Variants in MACROD2 observed in about 807,000 individuals in gnomAD.
The protein encoded by MACROD2 is ADP-ribose glycohydrolase MACROD2.
In MACROD2, 36 loss-of-function variants were observed where a neutral mutation model predicts 70.4. That is an observed-to-expected ratio of 0.51 (90% CI 0.39 to 0.68). The LOEUF (loss-of-function observed/expected upper bound fraction) is 0.68. MACROD2 is among the 30% of genes least tolerant of loss of function. The probability of loss-of-function intolerance (pLI) is 0.00; values close to 1 mark genes in which losing one functional copy is unlikely to be tolerated. For missense variants in MACROD2, 496 were observed against 538.4 expected (o/e 0.92, Z 0.78); for synonymous variants, 172 against 178.8 (o/e 0.96, Z 0.30).
chr20:15,527,918 C>G (rs888306401), intron 8 of MACROD2, among the ~76,000 whole-genome samples: 2 of 152,160 alleles, frequency 1.3e-5, no homozygotes. Context: ...ATCCTTTGTT[C>G]ATTTAGCTTG....
At chr20:14,994,532 T>A (rs2074933389) in intron 5 of MACROD2, among the ~76,000 whole-genome samples, 1 of 151,952 alleles carries the variant, frequency 6.6e-6, no homozygotes. Flanking sequence ...ACTGGAGAGG[T>A]TCACTTGAAG....
chr20:15,177,543 T>G (rs920258206), intron 5 of MACROD2, among the ~76,000 whole-genome samples: 1 of 152,224 alleles, frequency 6.6e-6, no homozygotes, highest in Non-Finnish European at 1.5e-5. Flanking sequence ...AATCTGAATT[T>G]ATTTTCAGTG....
intron 4 of MACROD2, among the ~76,000 whole-genome samples, chr20:14,644,311 G>A (rs1985256464): frequency 6.6e-6 from 1 of 152,168 alleles, no homozygotes; most frequent in South Asian, 2.1e-4. Context: ...TTAGAAAGCT[G>A]TGATCAAAAA....
At chr20:14,446,669 G>C (rs762137527) in intron 3 of MACROD2, among the ~76,000 whole-genome samples, 1 of 152,042 alleles carries the variant, frequency 6.6e-6, no homozygotes, top group Non-Finnish European at 1.5e-5. Context: ...GAGGCTAAAG[G>C]GTGAAGGAAT....
intron 6 of MACROD2, among the ~76,000 whole-genome samples, chr20:15,407,669 G>T (rs1356242871): frequency 6.6e-6 from 1 of 152,110 alleles, no homozygotes; most frequent in African/African-American, 2.4e-5. Context: ...CTGTGCCTCA[G>T]TTTCCTCATC....
intron 5 of MACROD2, among the ~76,000 whole-genome samples, chr20:14,962,868 T>C (rs899107502): frequency 4.0e-5 from 6 of 151,772 alleles, no homozygotes; most frequent in African/African-American, 1.5e-4. Flanking sequence ...AAATTGCTGT[T>C]GTTTGGGGAA....
rs1463540262 is a variant in MACROD2, at chr20:14,603,573, A to G, written c.302-81270A>G. Among the ~76,000 whole-genome samples the G allele has an allele frequency of 2.0e-5, 3 of 152,160 alleles. No individual in the cohort carries two copies. The East Asian group carries it at 5.8e-4, about 29-fold the overall frequency. ...TTGTTCAAATTCTTAATTATAAAGG[A>G]AGGATGGTTGGTAAGAAAAATGGGT... On this transcript the variant is annotated intron_variant, in intron 4 of 17. Transcript: ENST00000684519.
intron 5 of MACROD2, among the ~76,000 whole-genome samples, chr20:14,685,933 A>T (rs956763311): frequency 1.3e-5 from 2 of 152,178 alleles, no homozygotes; most frequent in African/African-American, 2.4e-5. Flanking sequence ...TTTCTTGTGG[A>T]TGTGTGTGAA....
intron 3 of MACROD2, among the ~76,000 whole-genome samples, chr20:14,306,146 A>T (rs1601456527): frequency 6.6e-6 from 1 of 152,058 alleles, no homozygotes; most frequent in East Asian, 1.9e-4. Context: ...TTCCAAATCC[A>T]GTGGGCACTG....
chr20:14,649,866 G>T (rs929972589), intron 4 of MACROD2, among the ~76,000 whole-genome samples: 2 of 152,102 alleles, frequency 1.3e-5, no homozygotes, highest in Admixed American at 6.6e-5. Context: ...TGAGTCACAG[G>T]CTGGGTGGGG....
chr20:14,769,947 C>A (rs2072142909), intron 5 of MACROD2, among the ~76,000 whole-genome samples: 3 of 151,802 alleles, frequency 2.0e-5, no homozygotes, highest in Admixed American at 2.0e-4. Context: ...TGAAAAAATT[C>A]ATAAGAACTA....
intron 5 of MACROD2, among the ~76,000 whole-genome samples, chr20:15,003,361 T>G (rs1288414302): frequency 2.0e-5 from 3 of 152,208 alleles, no homozygotes; most frequent in Non-Finnish European, 4.4e-5. Flanking sequence ...CTAGCTTCCT[T>G]GCCCTGTGTG....
At chr20:14,474,196 T>C (rs1217350850) in intron 3 of MACROD2, among the ~76,000 whole-genome samples, 9 of 152,110 alleles carry the variant, frequency 5.9e-5, no homozygotes, top group Non-Finnish European at 1.3e-4. Flanking sequence ...AATTTGTCTG[T>C]TTTTATTTTC....
intron 3 of MACROD2, among the ~76,000 whole-genome samples, chr20:14,098,467 T>A (rs2054258128): frequency 6.6e-6 from 1 of 152,200 alleles, no homozygotes; most frequent in Non-Finnish European, 1.5e-5. Context: ...TGTCAAAAAT[T>A]GAGATGATGT....
chr20:15,493,708 C>G (rs2047259675), intron 7 of MACROD2, among the ~76,000 whole-genome samples: 2 of 152,154 alleles, frequency 1.3e-5, no homozygotes, highest in South Asian at 4.1e-4. Flanking sequence ...GAAAATTGTC[C>G]CCAGCAAAGT....
chr20:14,540,267 C>T (rs1287024184), intron 4 of MACROD2, among the ~76,000 whole-genome samples: 1 of 152,038 alleles, frequency 6.6e-6, no homozygotes, highest in Non-Finnish European at 1.5e-5. Flanking sequence ...GTTTACTTCC[C>T]CAGATGGTTT....
At chr20:14,634,795 A>T (rs536681538) in intron 4 of MACROD2, among the ~76,000 whole-genome samples, 16 of 152,146 alleles carry the variant, frequency 1.1e-4, no homozygotes, top group Non-Finnish European at 1.3e-4. Context: ...TCTCTCTTTC[A>T]TCTGAAATTA....
intron 5 of MACROD2, among the ~76,000 whole-genome samples, chr20:15,106,003 G>T (rs1312325567): frequency 6.6e-6 from 1 of 152,116 alleles, no homozygotes; most frequent in Non-Finnish European, 1.5e-5. Flanking sequence ...ATAACATGAG[G>T]TGATGAATGT....
chr20:14,935,745 A>T (rs1375718027), intron 5 of MACROD2, among the ~76,000 whole-genome samples: 1 of 152,166 alleles, frequency 6.6e-6, no homozygotes, highest in Admixed American at 6.6e-5. Context: ...TGAAGGGAGC[A>T]CGTTAAATCC....
Sources: allele counts gnomAD v4.1 joint callset (sites outside exome capture counted in the v4.1 genomes callset), GRCh38; gene constraint gnomAD v4.1.1; transcripts MANE v1.5; gene names NCBI Gene and HGNC (gene_info 2026-07-23, HGNC 2026-07-21).